Variants in BCAS3 observed in about 807,000 individuals in gnomAD.
BCAS3 encodes the protein BCAS4/BCAS3 fusion.
In BCAS3, 53 loss-of-function variants were observed where a neutral mutation model predicts 116.1. That is an observed-to-expected ratio of 0.46 (90% CI 0.37 to 0.57). The LOEUF (loss-of-function observed/expected upper bound fraction) is 0.57, where lower values mean the gene tolerates loss of function less well. Ranked by LOEUF, BCAS3 falls within the 20% of genes least tolerant of loss-of-function variation. The probability of loss-of-function intolerance (pLI) is 0.00; values close to 1 mark genes in which losing one functional copy is unlikely to be tolerated. For missense variants in BCAS3, 917 were observed against 1,165.4 expected (o/e 0.79, Z 3.10); for synonymous variants, 391 against 408.2 (o/e 0.96, Z 0.51).
rs190313539 is a variant in BCAS3, at chr17:60,869,675, T to C, written c.584+992T>C. Among the ~76,000 whole-genome samples the C allele has an allele frequency of 2.6e-5, 4 of 152,276 alleles. No individual in the cohort carries two copies. In the East Asian group the frequency reaches 7.7e-4, roughly 29 times the overall value. ...GGATGTAGGAAAAATACCCAATATA[T>C]TATTGCTAGAATAATATGATTGTCC... is the stretch of plus-strand genomic sequence containing the variant. On this transcript the variant is annotated intron_variant, in intron 8 of 23. Coordinates refer to ENST00000407086, the MANE Select transcript of BCAS3 (RefSeq NM_017679.5).
chr17:61,051,210 C>T lies in BCAS3; in HGVS notation c.2029+10318C>T. Among the ~76,000 whole-genome samples the T allele has an allele frequency of 6.6e-6, 1 of 151,992 alleles. No individual in the cohort carries two copies. On this transcript the variant is annotated intron_variant, in intron 19 of 23. Coordinates refer to ENST00000407086, the MANE Select transcript of BCAS3 (RefSeq NM_017679.5). The surrounding 1 kb of genome is among the most constrained non-coding windows in gnomAD (Gnocchi z 4.1). ...AAAGCCCATCTCCAAAGTTTCCACA[C>T]TGCATGATTTCATTTATATAACATT...
intron 5 of BCAS3, among the ~76,000 whole-genome samples, chr17:60,724,934 C>T (rs148824325): frequency 1.8e-3 from 269 of 152,156 alleles, no homozygotes; most frequent in African/African-American, 6.0e-3. Context: ...TCACTGCAGC[C>T]TCCAAGTCCT....
At chr17:60,815,910 A>G (rs1288272268) in intron 7 of BCAS3, among the ~76,000 whole-genome samples, 2 of 152,114 alleles carry the variant, frequency 1.3e-5, no homozygotes, top group Non-Finnish European at 2.9e-5. Context: ...CCTCGAATAT[A>G]TATATATTTT....
rs1247491105 is a variant in BCAS3, at chr17:60,687,388, G to T, written c.139-2298G>T. On this transcript the variant is annotated intron_variant, in intron 3 of 23. Transcript: ENST00000407086. ...GGAGGCCTAGGCGGGCAGATTGCTT[G>T]TGCCCAGGAGTACCAGACCAGCCTG... 2.0e-5 allele frequency among the ~76,000 whole-genome samples: 3 copies of T among 152,168 alleles called. 1 individual carries two copies. Among genetic ancestry groups the T allele is most frequent in the Non-Finnish European group, 4.4e-5 (3 of 68,026 alleles).
At chr17:60,853,388 A>G (rs1439063855) in intron 7 of BCAS3, among the ~76,000 whole-genome samples, 4 of 152,360 alleles carry the variant, frequency 2.6e-5, no homozygotes, top group African/African-American at 9.6e-5. Flanking sequence ...TGAACTGTAC[A>G]TGGAAGCTTC....
At chr17:61,167,701 T>C (rs2078597203) in intron 22 of BCAS3, among the ~76,000 whole-genome samples, 1 of 152,190 alleles carries the variant, frequency 6.6e-6, no homozygotes. Flanking sequence ...TTTACGTACA[T>C]ATGCTGTGGG....
intron 22 of BCAS3, among the ~76,000 whole-genome samples, chr17:61,321,223 A>T (rs760154865): frequency 1.3e-5 from 2 of 152,172 alleles, no homozygotes; most frequent in Non-Finnish European, 2.9e-5. Context: ...TTTTGCTGTA[A>T]CATCCCATCC....
In BCAS3 at chr17:61,309,302, A is replaced by G. The variant is rs542177067; in HGVS notation, c.2426-59025A>G. Among the ~76,000 whole-genome samples, 1 of 152,206 alleles carries G rather than the reference A, an allele frequency of 6.6e-6. No individual in the cohort carries two copies. Among genetic ancestry groups the G allele is most frequent in the Admixed American group, 6.5e-5 (1 of 15,294 alleles). On this transcript the variant is annotated intron_variant, in intron 22 of 23. Coordinates refer to ENST00000407086, the MANE Select transcript of BCAS3 (RefSeq NM_017679.5). This position sits in a 1 kb window ranked among gnomAD's most constrained non-coding sequence, Gnocchi z 4.6. ...GAGTCCCCTTTCGTCCTCCCCATTC[A>G]TTCTAGGGTAATAAGGGCTGGTGGA...
chr17:61,318,389 G>C (rs2054920063), intron 22 of BCAS3, among the ~76,000 whole-genome samples: 1 of 152,194 alleles, frequency 6.6e-6, no homozygotes, highest in African/African-American at 2.4e-5. Flanking sequence ...CGATGGAGCA[G>C]CAGCCCTCTC....
intron 7 of BCAS3, among the ~76,000 whole-genome samples, chr17:60,814,288 T>TGCGCGCGCGC (rs2049119238): frequency 2.2e-5 from 3 of 133,814 alleles, no homozygotes; most frequent in Non-Finnish European, 4.5e-5. Flanking sequence ...TGTGTGTGTG[T>TGCGCGCGCGC]GTGTGTGTGT....
chr17:60,933,664 C>T (rs1009653805), intron 13 of BCAS3, among the ~76,000 whole-genome samples: 7 of 152,056 alleles, frequency 4.6e-5, no homozygotes, highest in African/African-American at 1.7e-4. Flanking sequence ...TAAAGGTTTT[C>T]CCATTGTCTA....
At chr17:60,690,737 A>G (rs2034695242) in intron 4 of BCAS3, among the ~76,000 whole-genome samples, 2 of 151,880 alleles carry the variant, frequency 1.3e-5, no homozygotes. Flanking sequence ...CCTGGCCAAC[A>G]TGGTGAAACC....
chr17:60,797,227 G>A (rs376656204), intron 6 of BCAS3, among the ~76,000 whole-genome samples: 3 of 151,978 alleles, frequency 2.0e-5, no homozygotes, highest in Middle Eastern at 3.2e-3. Context: ...TGCATAATCC[G>A]TTTCAATATA....
chr17:61,382,012 C>T (rs747175581), intron 23 of BCAS3, among the ~76,000 whole-genome samples: 8 of 152,048 alleles, frequency 5.3e-5, no homozygotes, highest in Non-Finnish European at 7.4e-5. Context: ...ATGAAAAATA[C>T]CCCCACTTAT....
intron 22 of BCAS3, among the ~76,000 whole-genome samples, chr17:61,353,376 G>A (rs1332077580): frequency 6.6e-6 from 1 of 152,188 alleles, no homozygotes; most frequent in African/African-American, 2.4e-5. Flanking sequence ...TGACGCCGGC[G>A]GTCTGGGGAG....
intron 22 of BCAS3, among the ~76,000 whole-genome samples, chr17:61,123,681 C>G (rs1483457473): frequency 6.6e-6 from 1 of 151,824 alleles, no homozygotes; most frequent in Non-Finnish European, 1.5e-5. Context: ...TAATTCTCTA[C>G]TTGTAGTGCC....
Position 61,251,058 on chromosome 17 carries a change from G to GC in BCAS3, c.2426-117264dup, listed in dbSNP as rs1042818039. On this transcript the variant is annotated intron_variant, in intron 22 of 23. Coordinates refer to ENST00000407086, the MANE Select transcript of BCAS3 (RefSeq NM_017679.5). The surrounding 1 kb of genome is among the most constrained non-coding windows in gnomAD (Gnocchi z 4.7). The stretch of plus-strand genomic sequence containing the variant: ...GAAACACCCTCATCCCTCCAGCCCT[G>GC]CCCCCAGGAAACCCTTCATTCAGAA... Among the ~76,000 whole-genome samples the GC allele has an allele frequency of 3.3e-5, 5 of 152,058 alleles. No individual in the cohort carries two copies. The highest frequency in any genetic ancestry group is 1.2e-4 in the African/African-American group (5 of 41,402).
At chr17:60,929,435 A>G (rs925835139) in intron 13 of BCAS3, among the ~76,000 whole-genome samples, 12 of 152,152 alleles carry the variant, frequency 7.9e-5, no homozygotes, top group Non-Finnish European at 1.5e-4. Context: ...CTGGAAAAAA[A>G]ATTAAAAAAT....
chr17:60,986,425 C>T (rs1379803601), intron 14 of BCAS3, among the ~76,000 whole-genome samples: 3 of 152,156 alleles, frequency 2.0e-5, no homozygotes, highest in Non-Finnish European at 2.9e-5. Context: ...AAATTGTTCT[C>T]CATAGTGGTT....
Sources: gnomAD v4.1 joint callset for allele counts (sites outside exome capture counted in the v4.1 genomes callset) on GRCh38, gnomAD v4.1.1 for gene constraint, Gnocchi (gnomAD v3.1) non-coding constraint, MANE v1.5 for transcripts, NCBI Gene and HGNC (gene_info 2026-07-23, HGNC 2026-07-21) for gene names.